The following POU2F1 variants were observed in gnomAD, a reference collection of about 807,000 sequenced individuals.
POU2F1 encodes POU class 2 homeobox 1.
Under a neutral mutation model 84.9 loss-of-function variants are expected in POU2F1, and 16 were observed. The ratio of observed to expected loss-of-function variants is 0.19; its 90% CI spans 0.13 to 0.29. The LOEUF is 0.29. POU2F1 is among the 10% of genes least tolerant of loss of function. The pLI is 1.00. For missense variants in POU2F1, 738 were observed against 942.6 expected, an observed-to-expected ratio of 0.78 and a Z score of 2.84; for synonymous variants, 368 against 368.3, an observed-to-expected ratio of 1.00 and a Z score of 0.01.
chr1:167,326,812 C>T (rs1656738279), intron 1 of POU2F1, among the ~76,000 whole-genome samples: 1 of 152,120 alleles, frequency 6.6e-6, no homozygotes, highest in Admixed American at 6.5e-5. Context: ...TGTCTGGCTG[C>T]AAGTCATCCT....
chr1:167,326,734 A>G (rs113384695), intron 1 of POU2F1, among the ~76,000 whole-genome samples: 5 of 152,238 alleles, frequency 3.3e-5, no homozygotes, highest in African/African-American at 1.2e-4. Context: ...TAGCCTGAGG[A>G]GGAGGCTCTT....
chr1:167,323,039 G>A (rs1415814906), intron 1 of POU2F1, among the ~76,000 whole-genome samples: 1 of 152,188 alleles, frequency 6.6e-6, no homozygotes, highest in Non-Finnish European at 1.5e-5. Flanking sequence ...GCCATTTTGG[G>A]GGCCTGTCTA....
intron 1 of POU2F1, among the ~76,000 whole-genome samples, chr1:167,257,241 C>G (rs1651205413): frequency 6.6e-6 from 1 of 152,146 alleles, no homozygotes. Context: ...TTGATTTAAA[C>G]AGAAAGACCA....
chr1:167,293,925 A>G (rs1398605744), intron 1 of POU2F1, among the ~76,000 whole-genome samples: 1 of 152,166 alleles, frequency 6.6e-6, no homozygotes, highest in Non-Finnish European at 1.5e-5. Context: ...ATGAAACTGG[A>G]TTCCTATCTC....
intron 1 of POU2F1, among the ~76,000 whole-genome samples, chr1:167,299,549 G>A (rs2102560981): frequency 2.0e-5 from 3 of 152,288 alleles, no homozygotes; most frequent in Admixed American, 2.0e-4. Flanking sequence ...GGACCCTCCT[G>A]TCCTTGAGTG....
Position 167,375,873 on chromosome 1 carries a change from G to A in POU2F1, c.592-156G>A, listed in dbSNP as rs577690645. 8.5e-4 allele frequency among the ~76,000 whole-genome samples: 129 copies of A among 152,316 alleles called. 4 individuals are homozygous for A. Among genetic ancestry groups the A allele is most frequent in the Admixed American group, 5.2e-4 (8 of 15,300 alleles). ...CAGGTTGCTTCACGTGCTTTGTCAA[G>A]CACACACAGAGCATACCCTGTTTGG... is the stretch of plus-strand genomic sequence containing the variant. On this transcript the variant is annotated intron_variant, in intron 6 of 15. Coordinates refer to ENST00000367866, the MANE Select transcript of POU2F1 (RefSeq NM_002697.4).
At position 167,419,625 on chromosome 1, in the gene POU2F1, G is replaced by GAA. The variant is rs1171337405; in HGVS notation, c.*3816_*3817insAA. ...ATGTTGTTCTAAGAAAAAATAAGTT[G>GAA]AGTGCTGTATTAGTTTAAGTGTTTC... is the stretch of plus-strand genomic sequence containing the variant. On this transcript the variant is annotated 3_prime_UTR_variant, in exon 16 of 16. Transcript: ENST00000367866. 1 of 152,176 alleles carries GAA rather than the reference G, an allele frequency of 6.6e-6. No individual in the cohort carries two copies. The highest frequency in any genetic ancestry group is 2.4e-5 in the African/African-American group (1 of 41,444). 9.4% of individuals were successfully genotyped at this position (152,176 alleles called of 1,614,324 possible).
chr1:167,378,404 T>C (rs1660474331), intron 7 of POU2F1, among the ~76,000 whole-genome samples: 1 of 114,382 alleles, frequency 8.7e-6, no homozygotes, highest in Non-Finnish European at 1.7e-5. Flanking sequence ...CCCAGCTAAT[T>C]TTTTTTTTTT....
Position 167,415,815 on chromosome 1 carries a change from G to A in POU2F1, c.*5G>A. 1 of 1,608,198 alleles carries A rather than the reference G, an allele frequency of 6.2e-7. No individual in the cohort carries two copies. Among genetic ancestry groups the A allele is most frequent in the Non-Finnish European group, 8.5e-7 (1 of 1,176,522 alleles). Reference sequence around the variant, plus strand: ...ACCGCCTCCAAGGCACAGTGAGCTGGGCAGAGCTGGGCTGCCAGAAGCCTT... The same window carrying A: ...ACCGCCTCCAAGGCACAGTGAGCTGAGCAGAGCTGGGCTGCCAGAAGCCTT... On this transcript the variant is annotated 3_prime_UTR_variant, in exon 16 of 16. Coordinates refer to ENST00000367866, the MANE Select transcript of POU2F1 (RefSeq NM_002697.4).
chr1:167,310,811 T>C (rs915104162), intron 1 of POU2F1, among the ~76,000 whole-genome samples: 12 of 151,734 alleles, frequency 7.9e-5, no homozygotes, highest in Admixed American at 2.6e-4. Context: ...AGATAGAAAA[T>C]ACAAAGAAAA....
intron 2 of POU2F1, among the ~76,000 whole-genome samples, chr1:167,352,356 T>C (rs1419902959): frequency 6.6e-6 from 1 of 152,218 alleles, no homozygotes; most frequent in African/African-American, 2.4e-5. Context: ...AGCTGTGAGA[T>C]AGATAGCAAA....
chr1:167,386,965 T>G (rs1018371909), intron 8 of POU2F1, among the ~76,000 whole-genome samples: 2 of 152,176 alleles, frequency 1.3e-5, no homozygotes, highest in African/African-American at 4.8e-5. Context: ...GCTACTGCAA[T>G]TAGTAGCAGT....
chr1:167,221,685 G>A lies in POU2F1; in HGVS notation c.61+727G>A, dbSNP rs573575760. On this transcript the variant is annotated intron_variant, in intron 1 of 15. Coordinates refer to ENST00000367866, the MANE Select transcript of POU2F1 (RefSeq NM_002697.4). Reference sequence around the variant, plus strand: ...TCACGGCCCCAGGCACTTCGGCCTCGCCCCACTGGTCCCCAATGTGGTGGC... The same window carrying A: ...TCACGGCCCCAGGCACTTCGGCCTCACCCCACTGGTCCCCAATGTGGTGGC... Among the ~76,000 whole-genome samples, 499 of 151,450 alleles carry A rather than the reference G, an allele frequency of 3.3e-3. 2 individuals carry two copies. The highest frequency in any genetic ancestry group is 0.011 in the African/African-American group (470 of 41,362).
intron 3 of POU2F1, among the ~76,000 whole-genome samples, chr1:167,369,490 T>C (rs1659876664): frequency 6.6e-6 from 1 of 152,244 alleles, no homozygotes; most frequent in South Asian, 2.1e-4. Flanking sequence ...AAATCATAGT[T>C]ATTATCATAG....
chr1:167,273,814 A>G (rs1379903555), intron 1 of POU2F1, among the ~76,000 whole-genome samples: 3 of 152,228 alleles, frequency 2.0e-5, no homozygotes, highest in Admixed American at 2.0e-4. Flanking sequence ...CCCTCTCATC[A>G]GCTTCATATT....
In POU2F1 at chr1:167,220,978, A is replaced by ACATATT; in HGVS notation, c.61+31_61+36dup. 1 of 1,532,830 alleles carries ACATATT rather than the reference A, an allele frequency of 6.5e-7. No homozygotes were observed. The highest frequency in any genetic ancestry group is 1.4e-5 in the African/African-American group (1 of 73,040). 95.0% of individuals were successfully genotyped at this position (1,532,830 alleles called of 1,614,324 possible). A position where few individuals can be genotyped will look rare whatever the true frequency, so the allele number is the denominator to read the frequency against. On this transcript the variant is annotated intron_variant, in intron 1 of 15. Coordinates refer to ENST00000367866, the MANE Select transcript of POU2F1 (RefSeq NM_002697.4). ...CAGCAGGTAATCATTACAGCATTTT[A>ACATATT]CATATTCATATTCATACTCAACCCC...
intron 1 of POU2F1, chr1:167,329,318 C>T: frequency 6.5e-7 from 1 of 1,547,626 alleles, no homozygotes; most frequent in Non-Finnish European, 8.7e-7. Context: ...TGGGTACCAG[C>T]ACAGTTCTTT....
chr1:167,338,266 T>A, intron 2 of POU2F1: 1 of 458,646 alleles, frequency 2.2e-6, no homozygotes, highest in Non-Finnish European at 4.4e-6. Flanking sequence ...ATAGTAAATA[T>A]ATTTTCTCTC....
chr1:167,259,645 GT>G (rs774228142), intron 1 of POU2F1, among the ~76,000 whole-genome samples: 2 of 152,148 alleles, frequency 1.3e-5, no homozygotes, highest in African/African-American at 2.4e-5. Context: ...AAGCCTAGAA[GT>G]GGAATTGTAT....
Sources: allele counts gnomAD v4.1 joint callset (sites outside exome capture counted in the v4.1 genomes callset), GRCh38; gene constraint gnomAD v4.1.1; transcripts MANE v1.5; gene names NCBI Gene and HGNC (gene_info 2026-07-23, HGNC 2026-07-21).